The following CNTNAP2 variants were observed in gnomAD, a reference collection of about 807,000 sequenced individuals.
The protein encoded by CNTNAP2 is contactin associated protein 2.
In CNTNAP2, 98 loss-of-function variants were observed where a neutral mutation model predicts 155.2. The ratio of observed to expected loss-of-function variants is 0.63; its 90% CI spans 0.54 to 0.75. The LOEUF (loss-of-function observed/expected upper bound fraction) is 0.75, where lower values mean the gene tolerates loss of function less well. Ranked by LOEUF, CNTNAP2 falls within the 30% of genes least tolerant of loss-of-function variation. The pLI is 0.00. For synonymous variants in CNTNAP2, 651 were observed against 631.2 expected (o/e 1.03, Z -0.47); for missense variants, 1,727 against 1,688.1 (o/e 1.02, Z -0.40).
intron 3 of CNTNAP2, among the ~76,000 whole-genome samples, chr7:146,843,630 GT>G (rs1803786830): frequency 6.8e-6 from 1 of 147,220 alleles, no homozygotes; most frequent in Non-Finnish European, 1.5e-5. Flanking sequence ...ATCCTTTGAC[GT>G]ATTCTAAAAG....
intron 13 of CNTNAP2, among the ~76,000 whole-genome samples, chr7:147,800,638 G>A (rs1797969090): frequency 1.3e-5 from 2 of 152,082 alleles, no homozygotes. Context: ...AATTGCTTCA[G>A]CCATTTAGAC....
At chr7:147,858,952 C>T (rs771373854) in intron 13 of CNTNAP2, among the ~76,000 whole-genome samples, 3 of 152,160 alleles carry the variant, frequency 2.0e-5, no homozygotes, top group Non-Finnish European at 4.4e-5. Context: ...GTTTCGGCAA[C>T]CCTGGGAAAC....
chr7:147,744,020 C>T (rs1467646296), intron 13 of CNTNAP2, among the ~76,000 whole-genome samples: 4 of 152,172 alleles, frequency 2.6e-5, no homozygotes, highest in African/African-American at 9.7e-5. Flanking sequence ...CTAATTAATG[C>T]CTAACTCAAA....
chr7:147,681,689 A>G (rs1362626029), intron 13 of CNTNAP2, among the ~76,000 whole-genome samples: 1 of 151,962 alleles, frequency 6.6e-6, no homozygotes, highest in Non-Finnish European at 1.5e-5. Context: ...AGTTACTCAT[A>G]TATCTGCTTC....
At chr7:148,068,511 A>G (rs773877733) in intron 15 of CNTNAP2, among the ~76,000 whole-genome samples, 18 of 152,312 alleles carry the variant, frequency 1.2e-4, no homozygotes, top group South Asian at 8.3e-4. Flanking sequence ...TTGGGCACTC[A>G]CAGTGTGAAT....
intron 8 of CNTNAP2, among the ~76,000 whole-genome samples, chr7:147,247,163 A>T (rs1360938493): frequency 1.3e-5 from 2 of 152,196 alleles, no homozygotes; most frequent in Non-Finnish European, 2.9e-5. Context: ...TTATTATAAC[A>T]TTTTTACATT....
At chr7:147,806,023 C>A (rs1049348654) in intron 13 of CNTNAP2, among the ~76,000 whole-genome samples, 1 of 152,166 alleles carries the variant, frequency 6.6e-6, no homozygotes, top group Non-Finnish European at 1.5e-5. Context: ...AGCTAAAAAT[C>A]TCCACACAGC....
intron 1 of CNTNAP2, among the ~76,000 whole-genome samples, chr7:146,638,303 G>A (rs578123434): frequency 6.6e-6 from 1 of 151,974 alleles, no homozygotes; most frequent in African/African-American, 2.4e-5. Context: ...TCTGACAAAT[G>A]ACCTCCAGTT....
At chr7:146,455,532 A>G (rs1480357229) in intron 1 of CNTNAP2, among the ~76,000 whole-genome samples, 1 of 152,220 alleles carries the variant, frequency 6.6e-6, no homozygotes, top group Non-Finnish European at 1.5e-5. Flanking sequence ...CATCTGGTTA[A>G]GGACACAGGA....
At chr7:146,825,269 G>T (rs537934330) in intron 2 of CNTNAP2, among the ~76,000 whole-genome samples, 2 of 152,194 alleles carry the variant, frequency 1.3e-5, no homozygotes, top group African/African-American at 4.8e-5. Context: ...GATAGTTACA[G>T]TAGTTAGTCA....
intron 1 of CNTNAP2, among the ~76,000 whole-genome samples, chr7:146,157,630 C>T (rs1437953937): frequency 6.6e-6 from 1 of 152,154 alleles, no homozygotes. Context: ...CAGAGCCTCA[C>T]TCACTGCTAG....
At chr7:147,374,797 C>T (rs1273843907) in intron 9 of CNTNAP2, among the ~76,000 whole-genome samples, 1 of 151,876 alleles carries the variant, frequency 6.6e-6, no homozygotes, top group Non-Finnish European at 1.5e-5. Context: ...ATATTTTTGT[C>T]ACGTCATTTT....
At chr7:147,979,380 A>G (rs373765048) in intron 15 of CNTNAP2, among the ~76,000 whole-genome samples, 9 of 152,226 alleles carry the variant, frequency 5.9e-5, no homozygotes, top group African/African-American at 1.7e-4. Context: ...CAAATATTAT[A>G]AGAAATGAAA....
chr7:146,479,232 G>A (rs1441737829), intron 1 of CNTNAP2, among the ~76,000 whole-genome samples: 2 of 152,094 alleles, frequency 1.3e-5, no homozygotes, highest in Non-Finnish European at 2.9e-5. Flanking sequence ...CCCTTTGAAC[G>A]ATGTCACATC....
At chr7:147,634,851 C>T (rs920950132) in intron 12 of CNTNAP2, among the ~76,000 whole-genome samples, 1 of 152,152 alleles carries the variant, frequency 6.6e-6, no homozygotes, top group African/African-American at 2.4e-5. Context: ...TATGACACAG[C>T]AGACTGCTGG....
At chr7:146,676,703 G>A (rs1452282938) in intron 1 of CNTNAP2, among the ~76,000 whole-genome samples, 4 of 152,098 alleles carry the variant, frequency 2.6e-5, no homozygotes, top group African/African-American at 9.7e-5. Context: ...ATGGAAGAAA[G>A]CAAAAGGCTC....
At chr7:148,375,198 G>A (rs943701895) in intron 21 of CNTNAP2, among the ~76,000 whole-genome samples, 1 of 151,308 alleles carries the variant, frequency 6.6e-6, no homozygotes, top group African/African-American at 2.4e-5. Context: ...TTTTGGTACT[G>A]TGTAATTACA....
chr7:147,344,775 T>C (rs1370611289), intron 9 of CNTNAP2, among the ~76,000 whole-genome samples: 1 of 152,182 alleles, frequency 6.6e-6, no homozygotes, highest in Non-Finnish European at 1.5e-5. Flanking sequence ...TTAATATTTT[T>C]GAAAATTAGG....
intron 1 of CNTNAP2, among the ~76,000 whole-genome samples, chr7:146,729,226 A>C (rs953111113): frequency 9.2e-5 from 14 of 152,184 alleles, no homozygotes; most frequent in Non-Finnish European, 1.9e-4. Flanking sequence ...TCCAGGGAGT[A>C]GCTTAAAACA....
Sources: allele counts gnomAD v4.1 joint callset (sites outside exome capture counted in the v4.1 genomes callset), GRCh38; gene constraint gnomAD v4.1.1; transcripts MANE v1.5; gene names NCBI Gene and HGNC (gene_info 2026-07-23, HGNC 2026-07-21).